The following MAP3K2 variants were observed in gnomAD, a reference collection of about 807,000 sequenced individuals.
MAP3K2 encodes MAP/ERK kinase kinase 2.
Under a neutral mutation model 80.3 loss-of-function variants are expected in MAP3K2, and 24 were observed. The observed-to-expected ratio is 0.30, with a 90% confidence interval of 0.22 to 0.42. MAP3K2 has a LOEUF of 0.42. MAP3K2 is among the 10% of genes least tolerant of loss of function. MAP3K2 has a pLI of 1.00. For missense variants in MAP3K2, 608 were observed against 750.1 expected (o/e 0.81, Z 2.21); for synonymous variants, 244 against 253.7 (o/e 0.96, Z 0.36).
At chr2:127,378,237 AACTG>A (rs1385181059) in intron 1 of MAP3K2, 1 of 618,918 alleles carries the variant, frequency 1.6e-6, no homozygotes, top group Non-Finnish European at 2.0e-6. Flanking sequence ...GCTGAAACAA[AACTG>A]GTACATTATT....
At chr2:127,373,500 C>T (rs776820763) in intron 1 of MAP3K2, among the ~76,000 whole-genome samples, 8 of 152,160 alleles carry the variant, frequency 5.3e-5, no homozygotes, top group Non-Finnish European at 7.4e-5. Flanking sequence ...TGATAAGTTA[C>T]AAAACTTGTT....
At chr2:127,371,130 GA>G (rs1687056986) in intron 1 of MAP3K2, among the ~76,000 whole-genome samples, 1 of 152,202 alleles carries the variant, frequency 6.6e-6, no homozygotes, top group South Asian at 2.1e-4. Flanking sequence ...CTTACGAAAG[GA>G]ATGACTGAAG....
At chr2:127,376,993 C>T (rs905993253) in intron 1 of MAP3K2, among the ~76,000 whole-genome samples, 5 of 150,962 alleles carry the variant, frequency 3.3e-5, no homozygotes, top group Non-Finnish European at 4.4e-5. Context: ...TCTGGGAGGT[C>T]GAGGATGCAG....
At chr2:127,384,043 GTTTT>G (rs1175557959) in intron 1 of MAP3K2, among the ~76,000 whole-genome samples, 5 of 150,972 alleles carry the variant, frequency 3.3e-5, no homozygotes, top group East Asian at 1.9e-4. Context: ...CCGGCTAGTG[GTTTT>G]TTTTGTTTGT....
intron 15 of MAP3K2, among the ~76,000 whole-genome samples, chr2:127,309,300 A>G (rs546091149): frequency 6.6e-6 from 1 of 152,212 alleles, no homozygotes; most frequent in Non-Finnish European, 1.5e-5. Context: ...CCAATTTCTA[A>G]TATTTTAAAT....
At chr2:127,341,100 C>T (rs905635466) in intron 2 of MAP3K2, among the ~76,000 whole-genome samples, 4 of 151,976 alleles carry the variant, frequency 2.6e-5, no homozygotes, top group African/African-American at 9.7e-5. Context: ...CACCATTCTC[C>T]TGCCTCAGCC....
intron 1 of MAP3K2, among the ~76,000 whole-genome samples, chr2:127,358,675 G>A (rs967750250): frequency 1.3e-5 from 2 of 152,184 alleles, no homozygotes; most frequent in Non-Finnish European, 2.9e-5. Context: ...ACTGACACCT[G>A]TAATCTCAGC....
At chr2:127,345,859 T>C (rs1473557658) in intron 1 of MAP3K2, among the ~76,000 whole-genome samples, 3 of 152,078 alleles carry the variant, frequency 2.0e-5, no homozygotes, top group Non-Finnish European at 4.4e-5. Context: ...TGGATGCATC[T>C]AAAGATAAAA....
At chr2:127,313,361 A>T (rs1685843860) in intron 15 of MAP3K2, among the ~76,000 whole-genome samples, 1 of 152,192 alleles carries the variant, frequency 6.6e-6, no homozygotes, top group African/African-American at 2.4e-5. Flanking sequence ...TTAACAAGGG[A>T]GGTCTGCCTA....
chr2:127,374,163 G>A (rs1350180900), intron 1 of MAP3K2, among the ~76,000 whole-genome samples: 3 of 152,128 alleles, frequency 2.0e-5, no homozygotes, highest in Non-Finnish European at 4.4e-5. Flanking sequence ...ATTAGCCTTA[G>A]AAACTTTCTC....
At chr2:127,320,270 T>C (rs889519015) in intron 12 of MAP3K2, among the ~76,000 whole-genome samples, 1 of 152,172 alleles carries the variant, frequency 6.6e-6, no homozygotes, top group Admixed American at 6.5e-5. Flanking sequence ...CATGAACAGA[T>C]GGTGAACAGA....
intron 1 of MAP3K2, among the ~76,000 whole-genome samples, chr2:127,370,013 T>C (rs2104886140): frequency 6.6e-6 from 1 of 151,548 alleles, no homozygotes; most frequent in South Asian, 2.1e-4. Flanking sequence ...CCTGAAACTT[T>C]AGGTTAGGTA....
rs539234283 is a variant in MAP3K2, at chr2:127,299,802, T to C, written c.*7777A>G. ...GATCAGCCAGCTGAAAATATATTCA[T>C]ATAGTAAATAATCTCTCAGAAAGCT... On this transcript the variant is annotated 3_prime_UTR_variant, in exon 17 of 17. Transcript: ENST00000682094. 6 of 152,208 alleles carry C rather than the reference T, an allele frequency of 3.9e-5. No individual in the cohort carries two copies. Among genetic ancestry groups the C allele is most frequent in the African/African-American group, 1.4e-4 (6 of 41,570 alleles). 9.4% of individuals were successfully genotyped at this position (152,208 alleles called of 1,614,324 possible).
intron 1 of MAP3K2, among the ~76,000 whole-genome samples, chr2:127,378,975 T>A (rs1687196776): frequency 7.8e-6 from 1 of 128,220 alleles, no homozygotes; most frequent in Non-Finnish European, 1.6e-5. Context: ...TGTGGGGTTT[T>A]TTGTTGTTTT....
At chr2:127,341,713 T>A (rs1686494621) in intron 2 of MAP3K2, among the ~76,000 whole-genome samples, 1 of 151,776 alleles carries the variant, frequency 6.6e-6, no homozygotes, top group Non-Finnish European at 1.5e-5. Context: ...TTTGTATTTT[T>A]AGTAGAGATG....
chr2:127,326,923 G>A, intron 7 of MAP3K2, 106 bp from the exon 8 acceptor site: 1 of 671,250 alleles, frequency 1.5e-6, no homozygotes, highest in Non-Finnish European at 2.3e-6. Flanking sequence ...TTCAGCAAAA[G>A]AAAATTCAAT....
intron 1 of MAP3K2, among the ~76,000 whole-genome samples, chr2:127,353,457 G>T (rs2603618): frequency 6.6e-6 from 1 of 151,148 alleles, no homozygotes; most frequent in African/African-American, 2.4e-5. Context: ...GAGCCCCTCC[G>T]CCCAGCAGCC....
intron 5 of MAP3K2, among the ~76,000 whole-genome samples, chr2:127,332,277 T>C (rs1686274639): frequency 6.6e-6 from 1 of 152,262 alleles, no homozygotes; most frequent in Admixed American, 6.5e-5. Context: ...TGGTAATGAC[T>C]GTTCCGCCGA....
intron 1 of MAP3K2, among the ~76,000 whole-genome samples, chr2:127,344,716 T>A (rs1203610512): frequency 6.6e-6 from 1 of 152,154 alleles, no homozygotes; most frequent in Non-Finnish European, 1.5e-5. Context: ...ATAAGATGTA[T>A]ATGAAACATA....
Sources: gnomAD v4.1 joint callset for allele counts (sites outside exome capture counted in the v4.1 genomes callset) on GRCh38, gnomAD v4.1.1 for gene constraint, MANE v1.5 for transcripts, NCBI Gene and HGNC (gene_info 2026-07-23, HGNC 2026-07-21) for gene names.